The following CLCNKB variants were observed in gnomAD, a reference collection of about 807,000 sequenced individuals.
The protein encoded by CLCNKB is chloride channel protein ClC-Kb.
CLCNKB carries 74 observed loss-of-function variants against 83.8 expected under a neutral mutation model. The ratio of observed to expected loss-of-function variants is 0.88; its 90% CI spans 0.73 to 1.07. CLCNKB has a LOEUF of 1.07. Ranked by LOEUF, CLCNKB falls within the 50% of genes least tolerant of loss-of-function variation. CLCNKB has a pLI of 0.00. For synonymous variants in CLCNKB, 358 were observed against 356.6 expected (o/e 1.00, Z -0.04); for missense variants, 798 against 893.6 (o/e 0.89, Z 1.36).
chr1:16,056,920 G>C lies in CLCNKB; in HGVS notation c.*4G>C. The C allele has an allele frequency of 6.3e-7, 1 of 1,597,120 alleles. No homozygotes were observed. Among genetic ancestry groups the C allele is most frequent in the Non-Finnish European group, 8.5e-7 (1 of 1,171,808 alleles). ...AAATCCGCCAGCCCCAAAGTGAGCC[G>C]GCCCAGCAAGATGAAACAGGGCACC... On this transcript the variant is annotated 3_prime_UTR_variant, in exon 20 of 20. Coordinates refer to ENST00000375679, the MANE Select transcript of CLCNKB (RefSeq NM_000085.5).
chr1:16,048,928 C>T (rs530836325), intron 7 of CLCNKB, 192 bp from the exon 8 acceptor site: 1 of 1,465,110 alleles, frequency 6.8e-7, no homozygotes, highest in South Asian at 1.4e-5. Flanking sequence ...GCATTCCAGG[C>T]TGGACGGGTC....
In CLCNKB at chr1:16,056,464, G is replaced by A. The variant is rs2023444001; in HGVS notation, c.1972G>A (p.Val658Met). ...GCTGTTGAACCTTCATTCCCTCTTT[G>A]TGACGTCGCGGGGCAGAGCTGTGGG... ...FELLNLHSLF[V>M]TSRGRAVGCV... The change falls in exon 19 of 20, where the codon GTG becomes ATG. Residue 658 changes from valine to methionine, a missense_variant. Coordinates refer to ENST00000375679, the MANE Select transcript of CLCNKB (RefSeq NM_000085.5). The A allele has an allele frequency of 6.2e-7, 1 of 1,613,756 alleles. No individual in the cohort carries two copies. The highest frequency in any genetic ancestry group is 1.7e-5 in the Admixed American group (1 of 59,968).
intron 2 of CLCNKB, 52 bp from the exon 3 acceptor site, chr1:16,045,506 C>T: frequency 6.2e-7 from 1 of 1,606,226 alleles, no homozygotes; most frequent in Non-Finnish European, 8.5e-7. Flanking sequence ...AAGGATGGGA[C>T]TGTCTGTGCC....
intron 16 of CLCNKB, 91 bp downstream of exon 16, chr1:16,053,863 G>A: frequency 6.5e-7 from 1 of 1,534,970 alleles, no homozygotes; most frequent in South Asian, 1.2e-5. Context: ...TCTGCATCCA[G>A]GCTCTGTGAC....
At chr1:16,056,398 T>C in intron 18 of CLCNKB, 24 bp from the exon 19 acceptor site, 3 of 1,612,510 alleles carry the variant, frequency 1.9e-6, no homozygotes, top group African/African-American at 1.3e-5. Flanking sequence ...TACCCTCCAG[T>C]GTTTCCTAAC....
intron 15 of CLCNKB, 33 bp from the exon 16 acceptor site, chr1:16,053,606 T>G: frequency 6.2e-7 from 1 of 1,613,678 alleles, no homozygotes; most frequent in Non-Finnish European, 8.5e-7. Context: ...CATCCCTGAC[T>G]GTGGGGCCTG....
chr1:16,055,828 C>T (rs541611255), intron 18 of CLCNKB, 70 bp downstream of exon 18: 23 of 1,449,674 alleles, frequency 1.6e-5, no homozygotes, highest in East Asian at 2.3e-5. Context: ...GAGGAGCTCA[C>T]GCTCCAGCCT....
At position 16,050,837 on chromosome 1, in the gene CLCNKB, G is replaced by A. The variant is rs768258386; in HGVS notation, c.1054-38G>A. ...GGGGGAGGCTGGGGTCTGCCGCTGG[G>A]GGCCCCTCATGTCCAGTTCCCACCT... On this transcript the variant is annotated intron_variant, in intron 11 of 19. Transcript: ENST00000375679. 12 of 1,610,482 alleles carry A rather than the reference G, an allele frequency of 7.5e-6. No homozygotes were observed. In the East Asian group the frequency reaches 8.9e-5, roughly 12 times the overall value.
intron 7 of CLCNKB, 187 bp from the exon 8 acceptor site, chr1:16,048,933 C>T (rs769027001): frequency 1.4e-6 from 2 of 1,470,498 alleles, no homozygotes; most frequent in Non-Finnish European, 1.8e-6. Flanking sequence ...CCAGGCTGGA[C>T]GGGTCTCTGG....
intron 7 of CLCNKB, 71 bp from the exon 8 acceptor site, chr1:16,049,044 GTGACA>G: frequency 6.2e-7 from 1 of 1,612,484 alleles, no homozygotes; most frequent in Non-Finnish European, 8.5e-7. Context: ...CAGGGAGGAG[GTGACA>G]TGGGGAGGGG....
At chr1:16,051,661 GT>G in intron 13 of CLCNKB, 48 bp from the exon 14 acceptor site, 2 of 1,605,060 alleles carry the variant, frequency 1.2e-6, no homozygotes, top group Non-Finnish European at 8.5e-7. Context: ...ATGGAGGGCT[GT>G]GGGGGCCGGG....
chr1:16,055,337 G>A lies in CLCNKB; in HGVS notation c.1757-98G>A. On this transcript the variant is annotated intron_variant, in intron 16 of 19. Coordinates refer to ENST00000375679, the MANE Select transcript of CLCNKB (RefSeq NM_000085.5). ...GACAATAGTCACAATAGCCCCATAG[G>A]AACACCAGAACAGTTCTTGGCTAAG... is the stretch of plus-strand genomic sequence containing the variant. 6 of 968,448 alleles carry A rather than the reference G, an allele frequency of 6.2e-6. No homozygotes were observed. The South Asian group carries it at 8.1e-5, about 13-fold the overall frequency. The allele number at this position is 968,448 out of a possible 1,614,324, so 60.0% of individuals were successfully genotyped here.
chr1:16,056,029 GAGTTGCACCAAGGCA>G (rs1264947247), intron 18 of CLCNKB, among the ~76,000 whole-genome samples: 2 of 152,204 alleles, frequency 1.3e-5, no homozygotes, highest in African/African-American at 2.4e-5. Flanking sequence ...AAAGACAGTG[GAGTTGCACCAAGGCA>G]CACGTGCGCT....
chr1:16,051,339 A>C, intron 12 of CLCNKB, 139 bp from the exon 13 acceptor site: 1 of 1,174,540 alleles, frequency 8.5e-7, no homozygotes, highest in Non-Finnish European at 1.3e-6. Flanking sequence ...CCCTCCCCTA[A>C]TGCCAGACTC....
intron 14 of CLCNKB, 99 bp from the exon 15 acceptor site, chr1:16,052,098 AC>A: frequency 6.8e-7 from 1 of 1,475,162 alleles, no homozygotes; most frequent in Non-Finnish European, 9.4e-7. Context: ...GTGGCCTCTT[AC>A]AAATCACACC....
intron 2 of CLCNKB, 89 bp from the exon 3 acceptor site, chr1:16,045,467 CCT>C (rs2023070827): frequency 5.3e-6 from 8 of 1,502,544 alleles, no homozygotes; most frequent in Non-Finnish European, 7.3e-6. Context: ...CCTGCCCCAG[CCT>C]CTCTGCCTGA....
chr1:16,050,760 GC>G, intron 11 of CLCNKB, 114 bp from the exon 12 acceptor site: 2 of 1,550,286 alleles, frequency 1.3e-6, no homozygotes, highest in Non-Finnish European at 1.8e-6. Context: ...CCTGCCCAAG[GC>G]CCCCCGCTGG....
Position 16,052,221 on chromosome 1 carries a change from G to A in CLCNKB, c.1432G>A (p.Val478Met), listed in dbSNP as rs2023316023. The change falls in exon 15 of 20, where the codon GTG (valine) becomes ATG (methionine). Residue 478 changes from valine (V) to methionine (M), a missense_variant. Physicochemically the swap from Val to Met is conservative, Grantham distance 21 (BLOSUM62 1). Transcript: ENST00000375679. Reference protein sequence around the residue: ...LAGAAAFSGAVTHTISTALLA... With the variant: ...LAGAAAFSGAMTHTISTALLA... Reference sequence around the variant, plus strand: ...AGGGGCTGCAGCCTTCTCAGGGGCTGTGACCCACACCATCTCCACGGCGCT... The same window carrying A: ...AGGGGCTGCAGCCTTCTCAGGGGCTATGACCCACACCATCTCCACGGCGCT... 6.2e-7 allele frequency: 1 copy of A among 1,613,188 alleles called. No homozygotes were observed. The highest frequency in any genetic ancestry group is 2.2e-5 in the East Asian group (1 of 44,886).
chr1:16,056,725 C>T (rs944883176), intron 19 of CLCNKB, 144 bp from the exon 20 acceptor site: 68 of 927,080 alleles, frequency 7.3e-5, no homozygotes, highest in Non-Finnish European at 1.1e-4. Context: ...CCCTCTCGGC[C>T]TCAGTGATCC....
Sources: gnomAD v4.1 joint callset for allele counts (sites outside exome capture counted in the v4.1 genomes callset) on GRCh38, gnomAD v4.1.1 for gene constraint, MANE v1.5 for transcripts, NCBI Gene and HGNC (gene_info 2026-07-23, HGNC 2026-07-21) for gene names.